Variants in MASP1 observed in about 807,000 individuals in gnomAD.
MASP1 encodes the protein MBL associated serine protease 1.
A neutral mutation model predicts 77.1 loss-of-function variants in MASP1; 59 were observed. The ratio of observed to expected loss-of-function variants is 0.77; its 90% CI spans 0.62 to 0.95. The LOEUF is 0.95. Among genes scored for constraint, MASP1 ranks in the 40% least tolerant of loss-of-function variants. The pLI, the probability that MASP1 is intolerant of heterozygous loss-of-function variation, is 0.00. For missense variants in MASP1, 885 were observed against 912.9 expected (o/e 0.97, Z 0.39); for synonymous variants, 362 against 354.5 (o/e 1.02, Z -0.24).
At chr3:187,239,380 T>C (rs1166199544) in intron 10 of MASP1, among the ~76,000 whole-genome samples, 4 of 152,058 alleles carry the variant, frequency 2.6e-5, no homozygotes, top group African/African-American at 7.2e-5. Flanking sequence ...ATCATAGGTC[T>C]CTTGGTTCTG....
At chr3:187,233,017 G>A (rs766395036), downstream of MASP1, among the ~76,000 whole-genome samples, 64 of 152,300 alleles carry the variant, frequency 4.2e-4, no homozygotes, top group African/African-American at 1.0e-3. Flanking sequence ...AAGCCCTGCT[G>A]TATGTACCAC....
intron 2 of MASP1, among the ~76,000 whole-genome samples, chr3:187,281,113 C>T (rs1296948973): frequency 6.6e-6 from 1 of 152,234 alleles, no homozygotes; most frequent in Non-Finnish European, 1.5e-5. Context: ...ATTCGTATGC[C>T]TCATCCGTAC....
intron 3 of MASP1, among the ~76,000 whole-genome samples, chr3:187,261,809 T>C (rs1425441913): frequency 6.6e-6 from 1 of 152,120 alleles, no homozygotes. Flanking sequence ...AGCTAAAAAA[T>C]GGGGAGATTC....
Position 187,234,634 on chromosome 3 carries a change from A to T in MASP1, c.*1050T>A, listed in dbSNP as rs1712988664. On this transcript the variant is annotated 3_prime_UTR_variant, in exon 11 of 11. Transcript: ENST00000296280. ...TCCCTCTGAACATCCTGCGGGGTGG[A>T]TTCTCCGCCCAGCTCATGCCCCAGG... 2.3e-6 allele frequency: 3 copies of T among 1,286,996 alleles called. No individual in the cohort carries two copies. Among genetic ancestry groups the T allele is most frequent in the Non-Finnish European group, 3.0e-6 (3 of 988,670 alleles). The allele number at this position is 1,286,996 out of a possible 1,614,324, so 79.7% of individuals were successfully genotyped here. A position where few individuals can be genotyped will look rare whatever the true frequency, so the allele number is the denominator to read the frequency against.
chr3:187,219,340 T>A (rs1711903946), exon 16 of MASP1: 1 of 153,082 alleles, frequency 6.5e-6, no homozygotes, highest in South Asian at 2.1e-4. Context: ...TAGAACCAGG[T>A]GTCTGCCTTC....
chr3:187,269,502 G>C (rs907227081), intron 2 of MASP1, among the ~76,000 whole-genome samples: 1 of 152,132 alleles, frequency 6.6e-6, no homozygotes, highest in South Asian at 2.1e-4. Flanking sequence ...AGGAAAGAAT[G>C]TCTCAGAAGA....
intron 10 of MASP1, among the ~76,000 whole-genome samples, chr3:187,238,696 C>T (rs1016218803): frequency 6.6e-6 from 1 of 152,146 alleles, no homozygotes; most frequent in Non-Finnish European, 1.5e-5. Context: ...GCTTATGTTG[C>T]CATCAAAAGT....
Position 187,220,215 on chromosome 3 carries a change from G to A in MASP1, c.1956C>T (p.Thr652=), listed in dbSNP as rs751619773. Reference sequence around the variant, plus strand: ...ACCACTGGCCTCTTTCTCTATTCAGGGTCACCATGGGGCCTCCAGAGTCAC... The same window carrying A: ...ACCACTGGCCTCTTTCTCTATTCAGAGTCACCATGGGGCCTCCAGAGTCAC... Residue 652 remains threonine (T), a synonymous_variant, in exon 16 of 16, where the codon ACC becomes ACT. Transcript: ENST00000337774. 2.5e-6 allele frequency: 4 copies of A among 1,614,136 alleles called. No individual in the cohort carries two copies. The South Asian group carries it at 3.3e-5, about 13-fold the overall frequency.
chr3:187,265,355 C>T (rs1715930499), intron 2 of MASP1, among the ~76,000 whole-genome samples: 1 of 152,178 alleles, frequency 6.6e-6, no homozygotes, highest in South Asian at 2.1e-4. Context: ...GGAGATACTA[C>T]TGAGGGTCTG....
intron 2 of MASP1, among the ~76,000 whole-genome samples, chr3:187,268,626 C>T (rs1029158410): frequency 1.3e-5 from 2 of 152,124 alleles, no homozygotes; most frequent in South Asian, 2.1e-4. Flanking sequence ...GATCTCTAGA[C>T]AGAATGTTGA....
rs3836477 is a variant in MASP1 at position 187,247,032 on chromosome 3, AT to A, written c.1090+3218del. On this transcript the variant is annotated intron_variant, in intron 8 of 10. Transcript: ENST00000296280. ...ATCTTTTGTCTCAAGGACCAAGGGC[AT>A]TTTTTTTTTCCGTTGAGAAAAGTAC... The A allele has an allele frequency of 0.15, 180,935 of 1,246,782 alleles. 13,074 individuals carry two copies. The highest frequency in any genetic ancestry group is 0.27 in the East Asian group (7,067 of 26,518). 77.2% of individuals were successfully genotyped at this position (1,246,782 alleles called of 1,614,324 possible).
At chr3:187,247,249 G>A (rs1714166080) in intron 8 of MASP1, 1 of 1,611,886 alleles carries the variant, frequency 6.2e-7, no homozygotes, top group Non-Finnish European at 8.5e-7. Flanking sequence ...TGTTGTGGGT[G>A]GGGAGGGGTG....
intron 2 of MASP1, among the ~76,000 whole-genome samples, chr3:187,267,007 G>A (rs1015365713): frequency 2.0e-5 from 3 of 152,208 alleles, no homozygotes; most frequent in Admixed American, 6.5e-5. Flanking sequence ...GCTACCAACT[G>A]GCTCCTCAAA....
At chr3:187,287,839 A>C (rs1288328482) in intron 1 of MASP1, among the ~76,000 whole-genome samples, 1 of 152,242 alleles carries the variant, frequency 6.6e-6, no homozygotes, top group Non-Finnish European at 1.5e-5. Context: ...CCATGTATTC[A>C]GATGCATATA....
intron 12 of MASP1, among the ~76,000 whole-genome samples, chr3:187,225,753 C>T (rs1712390069): frequency 6.6e-6 from 1 of 152,180 alleles, no homozygotes; most frequent in South Asian, 2.1e-4. Flanking sequence ...GTTCTGATGC[C>T]TGCTGCCACA....
intron 2 of MASP1, among the ~76,000 whole-genome samples, chr3:187,267,350 C>G (rs1366182398): frequency 6.6e-6 from 1 of 152,180 alleles, no homozygotes; most frequent in East Asian, 1.9e-4. Flanking sequence ...GCATTGCAGA[C>G]TTAATTTAGG....
chr3:187,219,869 C>A, exon 16 of MASP1: 1 of 622,328 alleles, frequency 1.6e-6, no homozygotes, highest in Non-Finnish European at 2.9e-6. Flanking sequence ...CTGGATTCGG[C>A]CTGTGTTCTG....
In MASP1 at chr3:187,235,558, TAGG is replaced by T; in HGVS notation, c.*123_*125del. The T allele has an allele frequency of 1.9e-6, 3 of 1,553,430 alleles. No homozygotes were observed. The highest frequency in any genetic ancestry group is 2.6e-6 in the Non-Finnish European group (3 of 1,158,086). On this transcript the variant is annotated 3_prime_UTR_variant, in exon 11 of 11. Coordinates refer to ENST00000296280, the MANE Select transcript of MASP1 (RefSeq NM_139125.4). ...CTCAGGGTCCTGGGGGCTGTCTCGG[TAGG>T]AGAAGCCACCGCTAGGTCAGTGTGT...
At chr3:187,225,229 G>T in intron 13 of MASP1, 1 of 1,397,100 alleles carries the variant, frequency 7.2e-7, no homozygotes. Context: ...GACACTGTCA[G>T]CTGACTTAAT....
Sources: allele counts gnomAD v4.1 joint callset (sites outside exome capture counted in the v4.1 genomes callset), GRCh38; gene constraint gnomAD v4.1.1; transcripts MANE v1.5; gene names NCBI Gene and HGNC (gene_info 2026-07-23, HGNC 2026-07-21).